Variants in C6 observed in about 807,000 individuals in gnomAD.
The protein encoded by C6 is complement C6.
C6 carries 101 observed loss-of-function variants against 112.9 expected under a neutral mutation model. The ratio of observed to expected loss-of-function variants is 0.89; its 90% confidence interval spans 0.76 to 1.06. C6 has a LOEUF of 1.06. Ranked by LOEUF, C6 falls within the 50% of genes least tolerant of loss-of-function variation. The pLI, the probability that C6 is intolerant of heterozygous loss-of-function variation, is 0.00. For missense variants in C6, 1,202 were observed against 1,104.6 expected, an observed-to-expected ratio of 1.09 and a Z score of -1.25; for synonymous variants, 431 against 384.1, an observed-to-expected ratio of 1.12 and a Z score of -1.43.
At chr5:41,174,243 G>C (rs1479482886) in intron 8 of C6, among the ~76,000 whole-genome samples, 1 of 152,108 alleles carries the variant, frequency 6.6e-6, no homozygotes, top group African/African-American at 2.4e-5. Context: ...CCTGCAGTAT[G>C]TCCAGCTTTT....
At chr5:41,162,317 A>G (rs1747595725) in intron 9 of C6, among the ~76,000 whole-genome samples, 2 of 152,186 alleles carry the variant, frequency 1.3e-5, no homozygotes, top group Admixed American at 1.3e-4. Flanking sequence ...GGGTGCCCAG[A>G]ATAAGATAAG....
Position 41,178,110 on chromosome 5 carries a change from A to G in C6, c.928-1395T>C, listed in dbSNP as rs545925708. 2.6e-5 allele frequency among the ~76,000 whole-genome samples: 4 copies of G among 152,332 alleles called. No individual in the cohort carries two copies. In the South Asian group the frequency reaches 8.3e-4, roughly 32 times the overall value. ...ATGGTGTTCTACTTGCTGGTTCATG[A>G]TACCTGAAACTGGCTATTTTAGATT... is the stretch of plus-strand genomic sequence containing the variant. On this transcript the variant is annotated intron_variant, in intron 7 of 17. Coordinates refer to ENST00000337836, the MANE Select transcript of C6 (RefSeq NM_000065.5).
chr5:41,223,269 C>A (rs954417369), intron 1 of C6, among the ~76,000 whole-genome samples: 1 of 152,142 alleles, frequency 6.6e-6, no homozygotes, highest in Non-Finnish European at 1.5e-5. Flanking sequence ...AGAAAAAAAA[C>A]TGTGATGATT....
intron 1 of C6, among the ~76,000 whole-genome samples, chr5:41,257,715 C>G (rs1406310446): frequency 6.6e-6 from 1 of 152,186 alleles, no homozygotes; most frequent in African/African-American, 2.4e-5. Context: ...TAGGCACATA[C>G]TCTGCCCTCC....
intron 1 of C6, among the ~76,000 whole-genome samples, chr5:41,224,879 G>T (rs775255258): frequency 7.9e-5 from 12 of 151,910 alleles, no homozygotes; most frequent in Non-Finnish European, 1.2e-4. Flanking sequence ...AAGGTATTAG[G>T]GTTCCAATTT....
At chr5:41,199,660 TGTG>T (rs1750859369) in intron 4 of C6, 105 bp downstream of exon 4, 1 of 1,088,862 alleles carries the variant, frequency 9.2e-7, no homozygotes, top group Non-Finnish European at 1.4e-6. Flanking sequence ...CTGCTTAAAA[TGTG>T]GTGGGATTTC....
At chr5:41,217,415 ATTGAG>A (rs1375525380), upstream of C6, among the ~76,000 whole-genome samples, 1 of 152,114 alleles carries the variant, frequency 6.6e-6, no homozygotes, top group Non-Finnish European at 1.5e-5. Context: ...TGTTGATTGA[ATTGAG>A]TTGTCTACAC....
At chr5:41,204,904 C>T (rs1261301910) in intron 1 of C6, among the ~76,000 whole-genome samples, 6 of 152,092 alleles carry the variant, frequency 3.9e-5, no homozygotes, top group Middle Eastern at 3.4e-3. Flanking sequence ...CTCCTGACCT[C>T]GTGATCAGCC....
At chr5:41,224,086 C>T (rs986913079) in intron 1 of C6, among the ~76,000 whole-genome samples, 3 of 152,034 alleles carry the variant, frequency 2.0e-5, no homozygotes, top group African/African-American at 4.8e-5. Context: ...TTAAAGTGCA[C>T]GACATGATGT....
intron 1 of C6, among the ~76,000 whole-genome samples, chr5:41,242,190 T>C (rs973801236): frequency 6.6e-6 from 1 of 152,158 alleles, no homozygotes; most frequent in African/African-American, 2.4e-5. Context: ...ATCACCATAA[T>C]CCCCATGTGT....
At chr5:41,212,683 C>T (rs1273721911) in intron 1 of C6, among the ~76,000 whole-genome samples, 1 of 152,146 alleles carries the variant, frequency 6.6e-6, no homozygotes, top group Non-Finnish European at 1.5e-5. Flanking sequence ...AAAAAGTCTT[C>T]CACTTCAGTG....
At chr5:41,146,748 CT>C (rs141503196) in intron 17 of C6, among the ~76,000 whole-genome samples, 38 of 148,358 alleles carry the variant, frequency 2.6e-4, no homozygotes, top group South Asian at 4.3e-4. Context: ...GTTTTTAGTA[CT>C]TTTTTTTTTA....
chr5:41,234,868 AT>A (rs1309309925), intron 1 of C6, among the ~76,000 whole-genome samples: 1 of 152,148 alleles, frequency 6.6e-6, no homozygotes, highest in Non-Finnish European at 1.5e-5. Context: ...TACAAGGTAG[AT>A]AATTTATTGT....
rs557618805 is a variant in C6 at position 41,203,091 on chromosome 5, T to A, written c.140A>T (p.His47Leu). Residue 47 changes from histidine (H) to leucine (L), a missense_variant, in exon 2 of 18, where the codon CAC becomes CTC. His to Leu is a moderately conservative substitution (Grantham distance 99). Coordinates refer to ENST00000337836, the MANE Select transcript of C6 (RefSeq NM_000065.5). ...KTCNSGTQSR[H>L]RQIVVDKYYQ... ...AAGCCACAAAGCTCACACCCACCTG[T>A]GTCTGCTCTGGGTTCCAGAATTGCA... The A allele has an allele frequency of 1.2e-6, 2 of 1,613,968 alleles. No homozygotes were observed. Among genetic ancestry groups the A allele is most frequent in the South Asian group, 2.2e-5 (2 of 91,082 alleles).
intron 3 of C6, 86 bp downstream of exon 3, chr5:41,201,472 C>T: frequency 7.8e-7 from 1 of 1,283,990 alleles, no homozygotes; most frequent in Non-Finnish European, 1.1e-6. Flanking sequence ...TGAAGTAATT[C>T]AGCATTACTA....
intron 1 of C6, among the ~76,000 whole-genome samples, chr5:41,219,382 A>G (rs1739027032): frequency 6.6e-6 from 1 of 152,100 alleles, no homozygotes; most frequent in Admixed American, 6.6e-5. Flanking sequence ...GGTCAGATAA[A>G]GCTGTTGAGA....
rs140619792 is a variant in C6 at position 41,169,785 on chromosome 5, A to G, written c.1291+2440T>C. Among the ~76,000 whole-genome samples, 886 of 152,230 alleles carry G rather than the reference A, an allele frequency of 5.8e-3. 1 individual carries two copies. The highest frequency in any genetic ancestry group is 1.0e-2 in the South Asian group (48 of 4,822). On this transcript the variant is annotated intron_variant, in intron 9 of 17. Transcript: ENST00000337836. ...AACAGCAGGGAGGAATTCTGCCCCA[A>G]TGATCCAGTCACCTCCCACCAGACC...
intron 1 of C6, among the ~76,000 whole-genome samples, chr5:41,232,846 T>C (rs1437981242): frequency 6.6e-6 from 1 of 152,022 alleles, no homozygotes; most frequent in Admixed American, 6.6e-5. Flanking sequence ...ATGTTTCTTT[T>C]TGTGTTTATT....
intron 9 of C6, among the ~76,000 whole-genome samples, chr5:41,165,267 C>A (rs1426768110): frequency 6.6e-6 from 1 of 152,080 alleles, no homozygotes; most frequent in Non-Finnish European, 1.5e-5. Flanking sequence ...CATGTGTGTG[C>A]ATATTTTTGT....
Sources: allele counts gnomAD v4.1 joint callset (sites outside exome capture counted in the v4.1 genomes callset), GRCh38; gene constraint gnomAD v4.1.1; transcripts MANE v1.5; gene names NCBI Gene and HGNC (gene_info 2026-07-23, HGNC 2026-07-21).